COL10A1: variants seen among roughly 807,000 people sequenced by gnomAD.
The protein encoded by COL10A1 is collagen alpha-1(X) chain.
A neutral mutation model predicts 18.2 loss-of-function variants in COL10A1; 10 were observed. The ratio of observed to expected loss-of-function variants is 0.55; its 90% CI spans 0.34 to 0.93. COL10A1 has a LOEUF of 0.93. COL10A1 is among the 40% of genes least tolerant of loss of function. The probability of loss-of-function intolerance (pLI) is 0.02; values close to 1 mark genes in which losing one functional copy is unlikely to be tolerated. For synonymous variants in COL10A1, 330 were observed against 316.6 expected (o/e 1.04, Z -0.45); for missense variants, 897 against 853.5 (o/e 1.05, Z -0.64).
the COL10A1 span, among the ~76,000 whole-genome samples, chr6:116,209,504 T>C: frequency 6.6e-6 from 1 of 152,000 alleles, no homozygotes; most frequent in Non-Finnish European, 1.5e-5. Flanking sequence ...AATATGCTTA[T>C]TACAAGTGTT....
At chr6:116,174,820 G>C in the COL10A1 span, among the ~76,000 whole-genome samples, 2 of 152,074 alleles carry the variant, frequency 1.3e-5, no homozygotes, top group African/African-American at 4.8e-5. Flanking sequence ...ATAAAGCATG[G>C]CTAATTCAAC....
chr6:116,199,853 G>A, the COL10A1 span, among the ~76,000 whole-genome samples: 1 of 151,956 alleles, frequency 6.6e-6, no homozygotes, highest in Non-Finnish European at 1.5e-5. Flanking sequence ...GTAAATAAAT[G>A]GGGAGAAGAG....
the COL10A1 span, among the ~76,000 whole-genome samples, chr6:116,190,133 T>C: frequency 4.6e-5 from 7 of 152,084 alleles, no homozygotes; most frequent in African/African-American, 1.7e-4. Context: ...TAAGATGTAA[T>C]ATCTATATCA....
At chr6:116,130,647 T>C (rs1349318789), upstream of COL10A1, among the ~76,000 whole-genome samples, 1 of 152,126 alleles carries the variant, frequency 6.6e-6, no homozygotes, top group Admixed American at 6.6e-5. Flanking sequence ...AAGAAACGTA[T>C]GCACAGGGTG....
At chr6:116,190,802 G>T in the COL10A1 span, among the ~76,000 whole-genome samples, 4 of 151,990 alleles carry the variant, frequency 2.6e-5, no homozygotes, top group African/African-American at 9.7e-5. Context: ...CAAGTGACAG[G>T]TCTGCTGGAT....
the COL10A1 span, among the ~76,000 whole-genome samples, chr6:116,173,975 G>A: frequency 6.6e-6 from 1 of 152,132 alleles, no homozygotes; most frequent in African/African-American, 2.4e-5. Context: ...TCTGGTCTGT[G>A]ACAATTTCTC....
intron 1 of COL10A1, among the ~76,000 whole-genome samples, chr6:116,143,367 T>C (rs1171282816): frequency 2.6e-5 from 4 of 152,066 alleles, no homozygotes; most frequent in Non-Finnish European, 5.9e-5. Flanking sequence ...TGCATCACCA[T>C]ACCCAGCTAA....
the COL10A1 span, among the ~76,000 whole-genome samples, chr6:116,181,096 A>T: frequency 1.3e-5 from 2 of 152,066 alleles, no homozygotes; most frequent in Non-Finnish European, 1.5e-5. Context: ...GAGGTACACG[A>T]GATACATATA....
chr6:116,179,667 G>T, the COL10A1 span, among the ~76,000 whole-genome samples: 1 of 152,064 alleles, frequency 6.6e-6, no homozygotes, highest in African/African-American at 2.4e-5. Flanking sequence ...TTTTGAACAA[G>T]CATTTGGCAC....
Position 116,121,301 on chromosome 6 carries a change from G to A in COL10A1, c.815C>T (p.Pro272Leu). The change falls in exon 3 of 3, where the codon CCA (proline) becomes CTA (leucine). Residue 272 changes from proline to leucine, a missense_variant. Coordinates refer to ENST00000651968, the MANE Select transcript of COL10A1 (RefSeq NM_000493.4). ...GIGKPGAAGA[P>L]GQPGIPGTKG... ...TGTTCCTGGAATCCCTGGCTGGCCT[G>A]GGGCTCCAGCAGCTCCTGGCTTTCC... 1 of 1,614,036 alleles carries A rather than the reference G, an allele frequency of 6.2e-7. No homozygotes were observed. Among genetic ancestry groups the A allele is most frequent in the East Asian group, 2.2e-5 (1 of 44,842 alleles).
chr6:116,125,327 A>G lies in COL10A1; in HGVS notation c.154+12T>C. 6.2e-7 allele frequency: 1 copy of G among 1,612,974 alleles called. No homozygotes were observed. Among genetic ancestry groups the G allele is most frequent in the Non-Finnish European group, 8.5e-7 (1 of 1,179,316 alleles). On this transcript the variant is annotated intron_variant, in intron 2 of 2. Transcript: ENST00000651968. ...AACTTGTTAATAGAACAAAATATAC[A>G]ATTCAATTTACCTTTACTCTTTATG...
the COL10A1 span, among the ~76,000 whole-genome samples, chr6:116,166,320 A>G: frequency 6.6e-6 from 1 of 152,152 alleles, no homozygotes; most frequent in East Asian, 1.9e-4. Context: ...GACATCCAAA[A>G]TCCCTAGTCA....
rs530446914 is a variant in COL10A1 at position 116,131,372 on chromosome 6, G to T, written c.-15-5865C>A. 6.6e-5 allele frequency among the ~76,000 whole-genome samples: 10 copies of T among 152,182 alleles called. 1 individual carries two copies. The South Asian group carries it at 2.1e-3, about 32-fold the overall frequency. ...GTAACTATTTTTAAAACATTGTTTT[G>T]ATTTATCCTTTTTATTAAAAAATGT... On this transcript the variant is annotated intron_variant, in intron 1 of 1. Coordinates refer to the COL10A1 transcript ENST00000418500.
chr6:116,141,906 A>ACACACACT (rs1211163665), intron 1 of COL10A1, among the ~76,000 whole-genome samples: 3 of 151,368 alleles, frequency 2.0e-5, no homozygotes, highest in African/African-American at 7.3e-5. Context: ...ACACACACAC[A>ACACACACT]CACACACACA....
the COL10A1 span, among the ~76,000 whole-genome samples, chr6:116,209,211 A>G: frequency 1.3e-5 from 2 of 152,042 alleles, no homozygotes; most frequent in Admixed American, 1.3e-4. Flanking sequence ...AGTAAATATT[A>G]TAGGCTTTGG....
At chr6:116,130,627 G>A (rs1170983692), upstream of COL10A1, among the ~76,000 whole-genome samples, 3 of 152,046 alleles carry the variant, frequency 2.0e-5, no homozygotes, top group Non-Finnish European at 4.4e-5. Flanking sequence ...ATTCTATCTA[G>A]TGAACAGCTA....
At chr6:116,151,152 T>A (rs936617855) in intron 1 of COL10A1, among the ~76,000 whole-genome samples, 1 of 152,166 alleles carries the variant, frequency 6.6e-6, no homozygotes, top group Non-Finnish European at 1.5e-5. Flanking sequence ...TCTTTTTGCT[T>A]CCGGGCAGCT....
intron 1 of COL10A1, among the ~76,000 whole-genome samples, chr6:116,132,680 G>A (rs915619046): frequency 2.6e-5 from 4 of 152,082 alleles, no homozygotes; most frequent in African/African-American, 7.2e-5. Context: ...AGCTGTTGGC[G>A]AGAGAGCCCA....
At chr6:116,207,916 A>G in the COL10A1 span, among the ~76,000 whole-genome samples, 3 of 151,888 alleles carry the variant, frequency 2.0e-5, no homozygotes, top group African/African-American at 7.2e-5. Flanking sequence ...TTGATTTGGG[A>G]GCTGAGTTTA....
Sources: allele counts gnomAD v4.1 joint callset (sites outside exome capture counted in the v4.1 genomes callset), GRCh38; gene constraint gnomAD v4.1.1; transcripts MANE v1.5; gene names NCBI Gene and HGNC (gene_info 2026-07-23, HGNC 2026-07-21).